Variants in CCDC15 observed in about 807,000 individuals in gnomAD.
The protein encoded by CCDC15 is coiled-coil domain-containing protein 15.
A neutral mutation model predicts 114.5 loss-of-function variants in CCDC15; 105 were observed. The ratio of observed to expected loss-of-function variants is 0.92; its 90% CI spans 0.78 to 1.08. CCDC15 has a LOEUF of 1.08. Among genes scored for constraint, CCDC15 ranks in the 50% least tolerant of loss-of-function variants. The pLI, the probability that CCDC15 is intolerant of heterozygous loss-of-function variation, is 0.00. For synonymous variants in CCDC15, 334 were observed against 377.8 expected (o/e 0.88, Z 1.34); for missense variants, 1,105 against 1,093.6 (o/e 1.01, Z -0.15).
chr11:124,987,256 C>T lies in CCDC15; in HGVS notation c.1030C>T (p.Leu344=), dbSNP rs537512631. The change falls in exon 8 of 16, where the codon CTG becomes TTG. Residue 344 remains leucine (L), a synonymous_variant. Coordinates refer to ENST00000344762, the MANE Select transcript of CCDC15 (RefSeq NM_025004.3). The stretch of plus-strand genomic sequence containing the variant: ...TTTTCTAGAAGCCCAAGGTGATTTG[C>T]TGGAAACCCAGGGTGATTTGACAGG... The part of the protein sequence containing the change: ...DYFLEAQGDL[L]ETQGDLTGIQ... The T allele has an allele frequency of 2.1e-4, 333 of 1,578,956 alleles. 4 individuals carry two copies. In the South Asian group the frequency reaches 3.7e-3, roughly 18 times the overall value.
Position 124,958,292 on chromosome 11 carries a change from G to T in CCDC15, c.178-823G>T, listed in dbSNP as rs147072254. On this transcript the variant is annotated intron_variant, in intron 2 of 15. Transcript: ENST00000344762. ...CAACATGCGGCCATGGGCCACATGT[G>T]GCCCAGGATGGCTTTGAATGCGACC... Among the ~76,000 whole-genome samples the T allele has an allele frequency of 4.5e-3, 686 of 152,078 alleles. 6 individuals are homozygous for T. Among genetic ancestry groups the T allele is most frequent in the African/African-American group, 0.015 (616 of 41,500 alleles).
chr11:124,975,285 A>G (rs1472222844), intron 5 of CCDC15, 76 bp downstream of exon 5: 6 of 886,392 alleles, frequency 6.8e-6, no homozygotes, highest in Non-Finnish European at 9.9e-6. Flanking sequence ...ATATCTCAGC[A>G]TAATTTAGAA....
At chr11:125,012,600 A>G (rs1001023091) in intron 13 of CCDC15, among the ~76,000 whole-genome samples, 1 of 152,178 alleles carries the variant, frequency 6.6e-6, no homozygotes, top group African/African-American at 2.4e-5. Flanking sequence ...TAGAGAAAAT[A>G]TTACACTTTA....
chr11:125,013,144 A>C (rs1351920110), intron 13 of CCDC15, among the ~76,000 whole-genome samples: 5 of 152,208 alleles, frequency 3.3e-5, no homozygotes, highest in Non-Finnish European at 7.3e-5. Context: ...AAAAAGAGAC[A>C]AAAAATAATT....
intron 4 of CCDC15, among the ~76,000 whole-genome samples, chr11:124,973,128 A>G (rs530644797): frequency 4.5e-4 from 68 of 152,298 alleles, no homozygotes; most frequent in African/African-American, 1.6e-3. Flanking sequence ...GAAACAGAAG[A>G]AAAATAATGT....
At chr11:124,954,669 T>G in intron 1 of CCDC15, 55 bp from the exon 2 acceptor site, 4 of 1,538,160 alleles carry the variant, frequency 2.6e-6, no homozygotes, top group Non-Finnish European at 2.7e-6. Context: ...GTTAGGAGGT[T>G]GAACTTTTAA....
intron 11 of CCDC15, among the ~76,000 whole-genome samples, chr11:124,998,874 G>A (rs961979696): frequency 2.6e-5 from 4 of 151,826 alleles, no homozygotes; most frequent in African/African-American, 9.7e-5. Flanking sequence ...GAGTACCTGG[G>A]ATTACAGGTG....
intron 11 of CCDC15, among the ~76,000 whole-genome samples, chr11:125,000,424 T>C (rs943946101): frequency 6.6e-6 from 1 of 152,004 alleles, no homozygotes; most frequent in Non-Finnish European, 1.5e-5. Context: ...AATTAAGGGG[T>C]CCACTTTCTA....
At chr11:124,980,504 T>C (rs1377428235) in intron 6 of CCDC15, among the ~76,000 whole-genome samples, 1 of 152,196 alleles carries the variant, frequency 6.6e-6, no homozygotes, top group Non-Finnish European at 1.5e-5. Context: ...CTTGGGAGGT[T>C]GTATGTTTCC....
intron 4 of CCDC15, among the ~76,000 whole-genome samples, chr11:124,964,256 G>A (rs140444782): frequency 0.023 from 3,556 of 152,260 alleles, 58 homozygotes; most frequent in Middle Eastern, 0.037. Context: ...TCACGATATT[G>A]ATTCTTCCTG....
At chr11:125,026,925 A>G (rs570521818) in intron 13 of CCDC15, among the ~76,000 whole-genome samples, 12 of 152,086 alleles carry the variant, frequency 7.9e-5, no homozygotes, top group Non-Finnish European at 1.6e-4. Context: ...AGTCCATTCT[A>G]TTATTCTTAC....
chr11:125,030,110 G>A (rs1341571008), intron 13 of CCDC15, among the ~76,000 whole-genome samples: 1 of 152,190 alleles, frequency 6.6e-6, no homozygotes, highest in African/African-American at 2.4e-5. Context: ...CGTGGGAACA[G>A]GAAGCAAAGA....
chr11:125,018,306 A>T (rs1948641046), intron 13 of CCDC15, among the ~76,000 whole-genome samples: 1 of 152,112 alleles, frequency 6.6e-6, no homozygotes, highest in Non-Finnish European at 1.5e-5. Flanking sequence ...CAGTCCAGTA[A>T]TGTACTGTAC....
In CCDC15 at chr11:124,959,930, C is replaced by G. The variant is rs374861753; in HGVS notation, c.443C>G (p.Pro148Arg). Reference protein sequence around the residue: ...NVAIGSSRLPPSLMPGDGIED... With the variant: ...NVAIGSSRLPRSLMPGDGIED... The stretch of plus-strand genomic sequence containing the variant: ...GCTATTGGAAGTTCTAGGTTACCTC[C>G]TTCCCTGATGCCTGGGGATGGAATA... Residue 148 changes from proline to arginine, a missense_variant, in exon 4 of 16, where the codon CCT becomes CGT. Transcript: ENST00000344762. 4.4e-5 allele frequency: 70 copies of G among 1,586,348 alleles called. No individual in the cohort carries two copies. In the African/African-American group the frequency reaches 9.1e-4, roughly 21 times the overall value.
At chr11:125,009,017 G>A (rs1174119531) in intron 13 of CCDC15, among the ~76,000 whole-genome samples, 3 of 152,056 alleles carry the variant, frequency 2.0e-5, no homozygotes, top group Non-Finnish European at 2.9e-5. Context: ...TCAGGAGTTC[G>A]AGACCAGCCT....
At chr11:125,033,118 C>G (rs573566149) in intron 13 of CCDC15, among the ~76,000 whole-genome samples, 1 of 152,190 alleles carries the variant, frequency 6.6e-6, no homozygotes, top group African/African-American at 2.4e-5. Context: ...TATAAACTGG[C>G]TCCAGTCTGG....
intron 4 of CCDC15, among the ~76,000 whole-genome samples, chr11:124,960,408 G>C (rs1947640251): frequency 6.6e-6 from 1 of 150,982 alleles, no homozygotes; most frequent in Non-Finnish European, 1.5e-5. Flanking sequence ...TTTAGGTCAA[G>C]AACATGGATT....
chr11:124,977,611 A>G lies in CCDC15; in HGVS notation c.753+11A>G. 1 of 1,600,160 alleles carries G rather than the reference A, an allele frequency of 6.2e-7. No homozygotes were observed. Among genetic ancestry groups the G allele is most frequent in the Non-Finnish European group, 8.5e-7 (1 of 1,174,616 alleles). On this transcript the variant is annotated intron_variant, in intron 6 of 15. Coordinates refer to ENST00000344762, the MANE Select transcript of CCDC15 (RefSeq NM_025004.3). ...TATATGGAAAATCAGGTAGGGAAAT[A>G]TAAAAAGTAGAGGGGAAAGACATTG...
intron 13 of CCDC15, among the ~76,000 whole-genome samples, chr11:125,016,870 T>A (rs2135533610): frequency 6.6e-6 from 1 of 152,318 alleles, no homozygotes; most frequent in South Asian, 2.1e-4. Context: ...TTTTGTTTTA[T>A]TGCCATTTCC....
Sources: gnomAD v4.1 joint callset for allele counts (sites outside exome capture counted in the v4.1 genomes callset) on GRCh38, gnomAD v4.1.1 for gene constraint, MANE v1.5 for transcripts, NCBI Gene and HGNC (gene_info 2026-07-23, HGNC 2026-07-21) for gene names.